Variants in PTPRM observed in about 807,000 individuals in gnomAD.
PTPRM encodes protein tyrosine phosphatase receptor type M, also known as receptor-type tyrosine-protein phosphatase mu.
PTPRM carries 47 observed loss-of-function variants against 186.7 expected under a neutral mutation model. The observed-to-expected ratio is 0.25, with a 90% CI of 0.20 to 0.32. The LOEUF is 0.32. Among genes scored for constraint, PTPRM ranks in the 10% least tolerant of loss-of-function variants. The pLI, the probability that PTPRM is intolerant of heterozygous loss-of-function variation, is 1.00. For missense variants in PTPRM, 1,494 were observed against 1,865.0 expected, an observed-to-expected ratio of 0.80 and a Z score of 3.66; for synonymous variants, 668 against 674.9, an observed-to-expected ratio of 0.99 and a Z score of 0.16.
chr18:7,981,621 G>A (rs1245463945), intron 7 of PTPRM, among the ~76,000 whole-genome samples: 1 of 152,186 alleles, frequency 6.6e-6, no homozygotes, highest in Non-Finnish European at 1.5e-5. Context: ...AAATATATAT[G>A]AGTATGAAGT....
At chr18:7,635,572 T>C (rs2038292578) in intron 1 of PTPRM, among the ~76,000 whole-genome samples, 1 of 152,202 alleles carries the variant, frequency 6.6e-6, no homozygotes, top group Admixed American at 6.5e-5. Flanking sequence ...CCTTTAATAT[T>C]GTAGATAATT....
At chr18:7,627,096 C>T (rs2038080599) in intron 1 of PTPRM, among the ~76,000 whole-genome samples, 1 of 152,114 alleles carries the variant, frequency 6.6e-6, no homozygotes, top group South Asian at 2.1e-4. Flanking sequence ...TCTGGGATGA[C>T]TCACACTGAA....
At chr18:7,640,838 A>G (rs186870755) in intron 1 of PTPRM, among the ~76,000 whole-genome samples, 2 of 152,122 alleles carry the variant, frequency 1.3e-5, no homozygotes, top group Admixed American at 1.3e-4. Flanking sequence ...TAGATTGTCT[A>G]CTTAGTTTTC....
intron 1 of PTPRM, among the ~76,000 whole-genome samples, chr18:7,733,699 A>G (rs577107633): frequency 5.4e-4 from 82 of 152,308 alleles, no homozygotes; most frequent in Non-Finnish European, 9.1e-4. Flanking sequence ...CTCAGCAAAC[A>G]GAGGGTCCCT....
At chr18:8,367,554 T>G (rs1048754387) in intron 23 of PTPRM, among the ~76,000 whole-genome samples, 5 of 152,264 alleles carry the variant, frequency 3.3e-5, no homozygotes, top group African/African-American at 9.6e-5. Flanking sequence ...CCCTGGCGGC[T>G]GCTGCCTGCA....
intron 14 of PTPRM, among the ~76,000 whole-genome samples, chr18:8,182,873 G>A (rs2093594931): frequency 6.6e-6 from 1 of 152,084 alleles, no homozygotes; most frequent in South Asian, 2.1e-4. Flanking sequence ...CCCTCTTTTC[G>A]TATAGCACTG....
At chr18:7,969,599 G>C (rs1284399724) in intron 7 of PTPRM, among the ~76,000 whole-genome samples, 1 of 142,108 alleles carries the variant, frequency 7.0e-6, no homozygotes, top group Non-Finnish European at 1.5e-5. Flanking sequence ...GAATCAAATA[G>C]ACACAATAAA....
At chr18:7,898,064 T>G (rs1363811577) in intron 3 of PTPRM, among the ~76,000 whole-genome samples, 1 of 152,218 alleles carries the variant, frequency 6.6e-6, no homozygotes, top group Non-Finnish European at 1.5e-5. Context: ...CAAACACAAA[T>G]GCTTGAATAT....
At chr18:8,027,991 T>C (rs1042920542) in intron 7 of PTPRM, among the ~76,000 whole-genome samples, 1 of 152,022 alleles carries the variant, frequency 6.6e-6, no homozygotes, top group African/African-American at 2.4e-5. Flanking sequence ...ACATGGCCGT[T>C]CATTGTTTCT....
chr18:7,754,762 AC>A (rs1245926268), intron 1 of PTPRM: 1 of 152,158 alleles, frequency 6.6e-6, no homozygotes, highest in Non-Finnish European at 1.5e-5. Context: ...GGCAGATCTT[AC>A]CTCTTTCTGA....
chr18:8,274,595 C>A (rs565668267), intron 19 of PTPRM, among the ~76,000 whole-genome samples: 1 of 151,178 alleles, frequency 6.6e-6, no homozygotes, highest in African/African-American at 2.4e-5. Flanking sequence ...TCTTGGAAGG[C>A]CATTTTTCAG....
At chr18:8,282,501 A>G (rs2094914478) in intron 19 of PTPRM, among the ~76,000 whole-genome samples, 1 of 152,066 alleles carries the variant, frequency 6.6e-6, no homozygotes, top group Non-Finnish European at 1.5e-5. Flanking sequence ...TGTCTCTACT[A>G]AAATACAAAA....
At chr18:8,090,120 T>C (rs1250261488) in intron 11 of PTPRM, among the ~76,000 whole-genome samples, 1 of 152,210 alleles carries the variant, frequency 6.6e-6, no homozygotes, top group Non-Finnish European at 1.5e-5. Context: ...TCTGGGTTGA[T>C]TCCTGTGGGT....
At chr18:8,253,662 T>C (rs931621622) in intron 19 of PTPRM, among the ~76,000 whole-genome samples, 1 of 152,166 alleles carries the variant, frequency 6.6e-6, no homozygotes, top group East Asian at 1.9e-4. Flanking sequence ...ATCCATGGGT[T>C]TTGCATCTCA....
At chr18:7,984,690 A>G (rs946375570) in intron 7 of PTPRM, among the ~76,000 whole-genome samples, 3 of 141,314 alleles carry the variant, frequency 2.1e-5, no homozygotes, top group African/African-American at 7.8e-5. Flanking sequence ...AATTATATAT[A>G]TACATATATA....
intron 24 of PTPRM, among the ~76,000 whole-genome samples, chr18:8,373,378 C>T (rs2095675498): frequency 6.6e-6 from 1 of 152,180 alleles, no homozygotes; most frequent in Admixed American, 6.5e-5. Context: ...TGCTTTGCAT[C>T]TGATTGTTGT....
intron 14 of PTPRM, among the ~76,000 whole-genome samples, chr18:8,149,987 T>C (rs985620845): frequency 6.6e-6 from 1 of 152,230 alleles, no homozygotes; most frequent in Non-Finnish European, 1.5e-5. Context: ...CACTCTCTTC[T>C]GACTTGTAGG....
chr18:7,603,458 C>T (rs1312195961), intron 1 of PTPRM, among the ~76,000 whole-genome samples: 1 of 152,174 alleles, frequency 6.6e-6, no homozygotes, highest in African/African-American at 2.4e-5. Context: ...CTGGGCTTTG[C>T]CTGTTTGGCC....
At chr18:7,806,377 A>G (rs1049036958) in intron 2 of PTPRM, among the ~76,000 whole-genome samples, 3 of 152,224 alleles carry the variant, frequency 2.0e-5, no homozygotes, top group Non-Finnish European at 4.4e-5. Flanking sequence ...CCACTGGGTG[A>G]TAGCTAGTCA....
Sources: allele counts gnomAD v4.1 joint callset (sites outside exome capture counted in the v4.1 genomes callset), GRCh38; gene constraint gnomAD v4.1.1; transcripts MANE v1.5; gene names NCBI Gene and HGNC (gene_info 2026-07-23, HGNC 2026-07-21).